The following SNX24 variants were observed in gnomAD, a reference collection of about 807,000 sequenced individuals.
SNX24 encodes sorting nexin-24.
In SNX24, 22 loss-of-function variants were observed where a neutral mutation model predicts 28.7. The observed-to-expected ratio is 0.77, with a 90% CI of 0.55 to 1.10. The LOEUF is 1.10. Among genes scored for constraint, SNX24 ranks in the 50% least tolerant of loss-of-function variants. SNX24 has a pLI of 0.00. For missense variants in SNX24, 221 were observed against 201.1 expected (o/e 1.10, Z -0.60); for synonymous variants, 69 against 71.5 (o/e 0.96, Z 0.18).
intron 1 of SNX24, among the ~76,000 whole-genome samples, chr5:122,864,219 TGTTA>T (rs1461930462): frequency 6.6e-5 from 10 of 152,232 alleles, no homozygotes; most frequent in Non-Finnish European, 1.5e-4. Context: ...TAGAACAACA[TGTTA>T]GTTCTGTAGA....
intron 5 of SNX24, chr5:123,025,857 A>C: frequency 6.2e-7 from 1 of 1,614,180 alleles, no homozygotes; most frequent in African/African-American, 1.3e-5. Flanking sequence ...GGTGATAAAG[A>C]ACTGAGAGCC....
At chr5:122,920,864 A>G (rs895043001) in intron 1 of SNX24, among the ~76,000 whole-genome samples, 2 of 152,208 alleles carry the variant, frequency 1.3e-5, no homozygotes, top group African/African-American at 2.4e-5. Flanking sequence ...AATAGGAAAA[A>G]TTGTGCATAA....
chr5:122,964,358 A>C (rs1302453288), intron 3 of SNX24, among the ~76,000 whole-genome samples: 1 of 151,696 alleles, frequency 6.6e-6, no homozygotes, highest in Non-Finnish European at 1.5e-5. Flanking sequence ...GTCACAGCTG[A>C]GGATGGGGTG....
In SNX24 at chr5:123,001,809, C is replaced by A. The variant is rs1354171842; in HGVS notation, c.378-131C>A. On this transcript the variant is annotated intron_variant, in intron 5 of 6. Coordinates refer to ENST00000261369, the MANE Select transcript of SNX24 (RefSeq NM_014035.4). ...CACTCTTACTCTGCGTGCTATTATT[C>A]ACCCACACTGTTAGAACATAAACCT... 5.4e-6 allele frequency: 4 copies of A among 739,284 alleles called. No homozygotes were observed. The East Asian group carries it at 9.9e-5, about 18-fold the overall frequency. The allele number at this position is 739,284 out of a possible 1,614,324, so 45.8% of individuals were successfully genotyped here. A position where few individuals can be genotyped will look rare whatever the true frequency, so the allele number is the denominator to read the frequency against.
chr5:123,005,358 C>T (rs1454893193), intron 6 of SNX24, among the ~76,000 whole-genome samples: 2 of 152,170 alleles, frequency 1.3e-5, no homozygotes, highest in Non-Finnish European at 2.9e-5. Flanking sequence ...TCCCAGCGGG[C>T]TGCTTTGTTC....
downstream of SNX24, among the ~76,000 whole-genome samples, chr5:123,011,456 C>T (rs1265219547): frequency 6.6e-6 from 1 of 152,190 alleles, no homozygotes; most frequent in Non-Finnish European, 1.5e-5. Flanking sequence ...ACCATCAATA[C>T]CTGGTAAATC....
intron 5 of SNX24, among the ~76,000 whole-genome samples, chr5:123,019,799 T>C (rs979938625): frequency 4.6e-5 from 7 of 152,210 alleles, no homozygotes; most frequent in Admixed American, 1.3e-4. Context: ...CAGTGAACTA[T>C]TTATTTCAAA....
chr5:122,917,651 A>G (rs969950945), intron 1 of SNX24, among the ~76,000 whole-genome samples: 1 of 152,166 alleles, frequency 6.6e-6, no homozygotes, highest in Non-Finnish European at 1.5e-5. Context: ...GCCTTTGTGT[A>G]AGGACCCTGC....
At chr5:122,846,569 AG>A (rs1754645424) in intron 1 of SNX24, among the ~76,000 whole-genome samples, 1 of 152,188 alleles carries the variant, frequency 6.6e-6, no homozygotes, top group Non-Finnish European at 1.5e-5. Context: ...GCTAAACACC[AG>A]TTACATTACT....
intron 1 of SNX24, among the ~76,000 whole-genome samples, chr5:122,875,354 T>C (rs949329421): frequency 2.6e-5 from 4 of 152,240 alleles, no homozygotes; most frequent in African/African-American, 9.6e-5. Context: ...AGATTTCATG[T>C]TTATGGGGAA....
chr5:123,014,013 T>C (rs905524124), downstream of SNX24, among the ~76,000 whole-genome samples: 1 of 152,220 alleles, frequency 6.6e-6, no homozygotes, highest in African/African-American at 2.4e-5. Flanking sequence ...GACCATCTCA[T>C]TGAAGCTTCA....
intron 6 of SNX24, among the ~76,000 whole-genome samples, chr5:123,003,747 T>C (rs993685066): frequency 6.6e-6 from 1 of 152,170 alleles, no homozygotes; most frequent in South Asian, 2.1e-4. Context: ...ACATCAGGGG[T>C]AAATGTCTTG....
chr5:122,865,513 T>A (rs897829298), intron 1 of SNX24, among the ~76,000 whole-genome samples: 1 of 152,060 alleles, frequency 6.6e-6, no homozygotes, highest in African/African-American at 2.4e-5. Context: ...GTATTTTTAG[T>A]AGAGTAGTAG....
At position 122,900,334 on chromosome 5, in the gene SNX24, A is replaced by G. The variant is rs1757380543; in HGVS notation, c.61-36400A>G. ...TAGTTACAATTTTGAGAGTGTGTGT[A>G]GCAGCAATTTTTAAAATGTGAACTA... On this transcript the variant is annotated intron_variant, in intron 1 of 6. Coordinates refer to ENST00000261369, the MANE Select transcript of SNX24 (RefSeq NM_014035.4). Among the ~76,000 whole-genome samples the G allele has an allele frequency of 2.6e-5, 4 of 152,220 alleles. No homozygotes were observed. The South Asian group carries it at 8.3e-4, about 32-fold the overall frequency.
At chr5:122,888,581 C>A (rs1756817339) in intron 1 of SNX24, among the ~76,000 whole-genome samples, 3 of 152,106 alleles carry the variant, frequency 2.0e-5, no homozygotes, top group Admixed American at 2.0e-4. Context: ...TATTGCAGAT[C>A]CAGAATGACC....
At chr5:122,908,959 G>A (rs1168215222) in intron 1 of SNX24, among the ~76,000 whole-genome samples, 3 of 152,200 alleles carry the variant, frequency 2.0e-5, no homozygotes, top group Non-Finnish European at 4.4e-5. Context: ...GGGGAGTGAA[G>A]CGTGGGACTT....
intron 3 of SNX24, among the ~76,000 whole-genome samples, chr5:122,955,643 G>C (rs958862686): frequency 7.9e-5 from 12 of 152,162 alleles, no homozygotes; most frequent in African/African-American, 2.2e-4. Flanking sequence ...GGAGGGTAAG[G>C]CTTGCTCCTC....
intron 1 of SNX24, among the ~76,000 whole-genome samples, chr5:122,858,904 C>T (rs1581675897): frequency 6.6e-6 from 1 of 152,250 alleles, no homozygotes; most frequent in Non-Finnish European, 1.5e-5. Context: ...CCCACCACCA[C>T]GCCTGGCCAA....
chr5:123,015,412 A>G (rs1762662796), intron 5 of SNX24, among the ~76,000 whole-genome samples: 1 of 152,240 alleles, frequency 6.6e-6, no homozygotes, highest in Non-Finnish European at 1.5e-5. Context: ...CCAGTCTGAC[A>G]AAGAGTGGTT....
Sources: allele counts gnomAD v4.1 joint callset (sites outside exome capture counted in the v4.1 genomes callset), GRCh38; gene constraint gnomAD v4.1.1; transcripts MANE v1.5; gene names NCBI Gene and HGNC (gene_info 2026-07-23, HGNC 2026-07-21).